Variants in GIGYF1 observed in about 807,000 individuals in gnomAD.
GIGYF1 encodes GRB10-interacting GYF protein 1.
A neutral mutation model predicts 147.1 loss-of-function variants in GIGYF1; 84 were observed. The observed-to-expected ratio is 0.57, with a 90% CI of 0.48 to 0.68. GIGYF1 has a LOEUF of 0.68. Ranked by LOEUF, GIGYF1 falls within the 30% of genes least tolerant of loss-of-function variation. The pLI, the probability that GIGYF1 is intolerant of heterozygous loss-of-function variation, is 0.00. For synonymous variants in GIGYF1, 752 were observed against 589.5 expected (o/e 1.28, Z -3.99); for missense variants, 1,485 against 1,393.7 (o/e 1.07, Z -1.04).
chr7:100,686,683 CCG>C lies in GIGYF1; in HGVS notation c.658_659del (p.Arg220AlafsTer12). 1 of 1,612,944 alleles carries C rather than the reference CCG, an allele frequency of 6.2e-7. No homozygotes were observed. Among genetic ancestry groups the C allele is most frequent in the Non-Finnish European group, 8.5e-7 (1 of 1,179,794 alleles). On this transcript the variant is annotated frameshift_variant, in exon 10 of 27. Coordinates refer to ENST00000678049, the MANE Select transcript of GIGYF1 (RefSeq NM_001375765.1). LOFTEE classifies it high-confidence loss of function. ...EGSWRLGAGP[R>X]RDGDRWRSAS... ...CGGAGCGCCAGCGGTCGCCGTCTCGCCGGGGCCCTGCTCCGAGCCTCCAGCTG... is the reference window on the plus strand; with the variant it reads ...CGGAGCGCCAGCGGTCGCCGTCTCGCGGGCCCTGCTCCGAGCCTCCAGCTG...
At chr7:100,685,309 G>A in intron 13 of GIGYF1, 35 bp downstream of exon 13, 1 of 1,558,808 alleles carries the variant, frequency 6.4e-7, no homozygotes, top group Non-Finnish European at 8.7e-7. Flanking sequence ...CACAGCCCCA[G>A]CGCACCCGGG....
At position 100,686,082 on chromosome 7, in the gene GIGYF1, G is replaced by C. The variant is rs368914000; in HGVS notation, c.949-3C>G. ...GGAATGGGCTCCTTGGGGCCCTTCTGCATGGGGCCGGGGTGGGGAGCAGAG... is the reference window on the plus strand; with the variant it reads ...GGAATGGGCTCCTTGGGGCCCTTCTCCATGGGGCCGGGGTGGGGAGCAGAG... On this transcript the variant is annotated splice_region_variant and splice_polypyrimidine_tract_variant and intron_variant, in intron 11 of 26. Coordinates refer to ENST00000678049, the MANE Select transcript of GIGYF1 (RefSeq NM_001375765.1). The C allele has an allele frequency of 6.2e-7, 1 of 1,609,470 alleles. No homozygotes were observed. Among genetic ancestry groups the C allele is most frequent in the Non-Finnish European group, 8.5e-7 (1 of 1,177,532 alleles).
chr7:100,692,116 G>A (rs1048798130), intron 1 of GIGYF1, among the ~76,000 whole-genome samples: 1 of 152,216 alleles, frequency 6.6e-6, no homozygotes, highest in Non-Finnish European at 1.5e-5. Flanking sequence ...CCAGCCCCAG[G>A]CCTGCTGGAG....
rs375979756 is a variant in GIGYF1, at chr7:100,683,983, C to T, written c.1868+37G>A. ...TCTCTGGTCTGCCCCCATCCCCCCC[C>T]CACCCTGTATCCTGAGGGCTCGCAC... On this transcript the variant is annotated intron_variant, in intron 18 of 26. Coordinates refer to ENST00000678049, the MANE Select transcript of GIGYF1 (RefSeq NM_001375765.1). 9.5e-6 allele frequency: 15 copies of T among 1,585,744 alleles called. No homozygotes were observed. In the African/African-American group the frequency reaches 1.2e-4, roughly 13 times the overall value.
chr7:100,682,265 C>T (rs775480531), intron 24 of GIGYF1, 30 bp from the exon 25 acceptor site: 2 of 1,608,146 alleles, frequency 1.2e-6, no homozygotes, highest in East Asian at 2.2e-5. Flanking sequence ...TGTCAGGGCC[C>T]CCTGGCCGGG....
At chr7:100,691,349 G>A (rs1805809257) in intron 1 of GIGYF1, among the ~76,000 whole-genome samples, 1 of 152,208 alleles carries the variant, frequency 6.6e-6, no homozygotes, top group South Asian at 2.1e-4. Context: ...CACAGCCCTT[G>A]GGGGTCTACT....
Position 100,686,636 on chromosome 7 carries a change from GC to G in GIGYF1, c.694+12del. On this transcript the variant is annotated intron_variant, in intron 10 of 26. Transcript: ENST00000678049. ...CCACTGCCCCCGCCAATGCTACCAGGCCCCAATCTCACCAGGGCTGGCGGAG... is the reference window on the plus strand; with the variant it reads ...CCACTGCCCCCGCCAATGCTACCAGGCCCAATCTCACCAGGGCTGGCGGAG... 1 of 1,605,842 alleles carries G rather than the reference GC, an allele frequency of 6.2e-7. No individual in the cohort carries two copies. Among genetic ancestry groups the G allele is most frequent in the Non-Finnish European group, 8.5e-7 (1 of 1,177,304 alleles).
Position 100,688,317 on chromosome 7 carries a change from A to T in GIGYF1, c.-69-10T>A. 8.7e-7 allele frequency: 1 copy of T among 1,153,818 alleles called. No individual in the cohort carries two copies. Among genetic ancestry groups the T allele is most frequent in the Non-Finnish European group, 1.3e-6 (1 of 779,982 alleles). The allele number at this position is 1,153,818 out of a possible 1,614,324, so 71.5% of individuals were successfully genotyped here. ...TTCACTGTCCAAACACCTGTGGGGG[A>T]ACAGGGGCCATGAAGAACAGCACAC... On this transcript the variant is annotated splice_polypyrimidine_tract_variant and intron_variant, in intron 3 of 26. Coordinates refer to ENST00000678049, the MANE Select transcript of GIGYF1 (RefSeq NM_001375765.1).
chr7:100,689,913 T>C (rs1274796241), intron 1 of GIGYF1, among the ~76,000 whole-genome samples: 1 of 152,124 alleles, frequency 6.6e-6, no homozygotes, highest in Non-Finnish European at 1.5e-5. Context: ...TTCTCTTTCA[T>C]GAGGTCTCTA....
At chr7:100,686,603 C>T (rs763632951) in intron 10 of GIGYF1, 46 bp downstream of exon 10, 3 of 1,567,870 alleles carry the variant, frequency 1.9e-6, no homozygotes, top group Non-Finnish European at 1.7e-6. Flanking sequence ...CATTACAGTT[C>T]CTGCTCCCCA....
chr7:100,684,429 T>G lies in GIGYF1; in HGVS notation c.1629+21A>C, dbSNP rs758552619. On this transcript the variant is annotated intron_variant, in intron 16 of 26. Coordinates refer to ENST00000678049, the MANE Select transcript of GIGYF1 (RefSeq NM_001375765.1). ...GCACCCCTCACACCCTGTCCCTCCA[T>G]GCAGGGGAGAAGCGGCTCACCAGCA... 3 of 1,611,428 alleles carry G rather than the reference T, an allele frequency of 1.9e-6. No individual in the cohort carries two copies. The South Asian group carries it at 3.3e-5, about 18-fold the overall frequency.
chr7:100,682,296 C>G (rs767821105), intron 24 of GIGYF1, 26 bp downstream of exon 24: 22 of 1,609,134 alleles, frequency 1.4e-5, no homozygotes, highest in East Asian at 2.2e-5. Context: ...CAGGTCCCGC[C>G]CACCTCCTGG....
chr7:100,681,863 C>A lies in GIGYF1; in HGVS notation c.3055+1G>T, dbSNP rs560718126. ...CCCGCTCCTGCCCCAGCCCAGCTCA[C>A]CCAGGATGCTGGGGTCTGAGTGCAG... On this transcript the variant is annotated splice_donor_variant, in intron 26 of 26. Transcript: ENST00000678049. LOFTEE classifies it high-confidence loss of function. 1 of 1,612,592 alleles carries A rather than the reference C, an allele frequency of 6.2e-7. No individual in the cohort carries two copies. The highest frequency in any genetic ancestry group is 1.3e-5 in the African/African-American group (1 of 75,070).
Position 100,688,020 on chromosome 7 carries a change from C to T in GIGYF1, c.126G>A (p.Gly42=). Residue 42 remains glycine (G), a synonymous_variant, in exon 5 of 27, where the codon GGG becomes GGA. Transcript: ENST00000678049. ...PKYKLADYRY[G]REEMLALYVK... ...CGTAGAGAGCCAGCATTTCCTCTCG[C>T]CCATAACGGTAGTCAGCCAGCTTGT... 6.2e-7 allele frequency: 1 copy of T among 1,613,642 alleles called. No homozygotes were observed.
Position 100,686,267 on chromosome 7 carries a change from G to A in GIGYF1, c.861C>T (p.Asp287=). ...RCRAPEGFEE[D]KDGLPEWCLD... Reference sequence around the variant, plus strand: ...GGCACCACTCTGGGAGCCCATCCTTGTCCTCCTCAAAGCCTTCAGGCGCTC... The same window carrying A: ...GGCACCACTCTGGGAGCCCATCCTTATCCTCCTCAAAGCCTTCAGGCGCTC... The change falls in exon 11 of 27, where the codon GAC becomes GAT. Residue 287 remains aspartate, a synonymous_variant. Transcript: ENST00000678049. The A allele has an allele frequency of 6.2e-7, 1 of 1,614,038 alleles. No individual in the cohort carries two copies. The highest frequency in any genetic ancestry group is 1.1e-5 in the South Asian group (1 of 91,082).
rs201854546 is a variant in GIGYF1, at chr7:100,688,067, G to T, written c.79C>A (p.Pro27Thr). Residue 27 changes from proline (P) to threonine (T), a missense_variant, in exon 5 of 27, where the codon CCG (proline) becomes ACG (threonine). Transcript: ENST00000678049. ...TTGTATTTGGGCATGGCAGGGGACG[G>T]GGGTGGGGAGGCCACGCTGCCGCCC... Reference protein sequence around the residue: ...SGGGSVASPPPSPAMPKYKLA... With the variant: ...SGGGSVASPPTSPAMPKYKLA... 140 of 1,612,574 alleles carry T rather than the reference G, an allele frequency of 8.7e-5. No homozygotes were observed. The highest frequency in any genetic ancestry group is 1.1e-4 in the Non-Finnish European group (129 of 1,179,306).
chr7:100,692,970 G>A (rs1805936105), intron 1 of GIGYF1, among the ~76,000 whole-genome samples: 1 of 152,142 alleles, frequency 6.6e-6, no homozygotes, highest in Admixed American at 6.6e-5. Flanking sequence ...GACCCTTACT[G>A]GTACCACCGA....
At position 100,686,263 on chromosome 7, in the gene GIGYF1, C is replaced by T; in HGVS notation, c.865G>A (p.Asp289Asn). The T allele has an allele frequency of 6.2e-7, 1 of 1,614,122 alleles. No individual in the cohort carries two copies. Among genetic ancestry groups the T allele is most frequent in the Non-Finnish European group, 8.5e-7 (1 of 1,180,006 alleles). The part of the protein sequence containing the change: ...RAPEGFEEDK[D>N]GLPEWCLDDE... ...TCCAGGCACCACTCTGGGAGCCCAT[C>T]CTTGTCCTCCTCAAAGCCTTCAGGC... The change falls in exon 11 of 27, where the codon GAT becomes AAT. Residue 289 changes from aspartate to asparagine, a missense_variant. By Grantham distance (23) the Asp-to-Asn change is conservative. Transcript: ENST00000678049.
chr7:100,682,516 A>G, intron 23 of GIGYF1, 34 bp from the exon 24 acceptor site: 1 of 1,605,294 alleles, frequency 6.2e-7, no homozygotes, highest in Non-Finnish European at 8.5e-7. Flanking sequence ...GTTGGAAATC[A>G]GCTGGCAGGG....
Sources: gnomAD v4.1 joint callset for allele counts (sites outside exome capture counted in the v4.1 genomes callset) on GRCh38, gnomAD v4.1.1 for gene constraint, MANE v1.5 for transcripts, NCBI Gene and HGNC (gene_info 2026-07-23, HGNC 2026-07-21) for gene names.